Variants in MUC7 observed in about 807,000 individuals in gnomAD.
MUC7 encodes mucin 7, secreted.
MUC7 carries 2 observed loss-of-function variants against 2.5 expected under a neutral mutation model. That is an observed-to-expected ratio of 0.81 (90% confidence interval 0.33 to 2.55). The LOEUF (loss-of-function observed/expected upper bound fraction) is 2.55, where lower values mean the gene tolerates loss of function less well. Ranked by LOEUF, MUC7 falls within the 30% of genes most tolerant of loss-of-function variation. The pLI is 0.11. For synonymous variants in MUC7, 133 were observed against 173.4 expected (o/e 0.77, Z 1.83); for missense variants, 408 against 455.6 (o/e 0.90, Z 0.95).
intron 1 of MUC7, among the ~76,000 whole-genome samples, chr4:70,463,853 G>T (rs147687513): frequency 6.6e-6 from 1 of 152,320 alleles, no homozygotes; most frequent in East Asian, 1.9e-4. Flanking sequence ...GCCAGATCTT[G>T]ATCTTGGACT....
rs1734921150 is a variant in MUC7, at chr4:70,474,055, G to A, written c.34G>A (p.Ala12Thr). The change falls in exon 2 of 3, where the codon GCA (alanine) becomes ACA (threonine). Residue 12 changes from alanine (A) to threonine (T), a missense_variant. Physicochemically the swap from Ala to Thr is moderately conservative, Grantham distance 58 (BLOSUM62 0). Around this residue, in one of 3 missense-constraint regions of MUC7, gnomAD observed 225 missense variants for 240.5 expected, o/e 0.94. Transcript: ENST00000304887. ...KTLPLFVCIC[A>T]LSACFSFSEG... is the part of the protein sequence containing the mutation. ...TCTGCCGCTGTTTGTGTGCATCTGT[G>A]CACTGAGTGCTTGCTTCTCGGTAAG... 2.5e-6 allele frequency: 4 copies of A among 1,612,682 alleles called. No individual in the cohort carries two copies. In the South Asian group the frequency reaches 4.4e-5, roughly 18 times the overall value.
chr4:70,441,541 A>G (rs1734005716), intron 1 of MUC7, among the ~76,000 whole-genome samples: 1 of 152,220 alleles, frequency 6.6e-6, no homozygotes, highest in Admixed American at 6.5e-5. Context: ...AAAAACTATG[A>G]TGGTGAATAT....
chr4:70,473,602 T>C (rs1331044616), intron 1 of MUC7, among the ~76,000 whole-genome samples: 1 of 152,222 alleles, frequency 6.6e-6, no homozygotes, highest in Non-Finnish European at 1.5e-5. Context: ...CAGGAGTCTT[T>C]GCAAAACTGT....
chr4:70,469,464 A>G (rs1734774411), upstream of MUC7, among the ~76,000 whole-genome samples: 1 of 152,218 alleles, frequency 6.6e-6, no homozygotes, highest in Non-Finnish European at 1.5e-5. Context: ...ATCAGAGTGA[A>G]CAGGCAGCCT....
upstream of MUC7, among the ~76,000 whole-genome samples, chr4:70,468,562 T>G (rs1734739767): frequency 6.6e-6 from 1 of 152,162 alleles, no homozygotes; most frequent in African/African-American, 2.4e-5. Context: ...TTCAGCAAAG[T>G]CTCAGGCTAC....
intron 1 of MUC7, among the ~76,000 whole-genome samples, chr4:70,458,219 C>T (rs977048898): frequency 7.1e-6 from 1 of 140,116 alleles, no homozygotes. Flanking sequence ...AAAAAATACA[C>T]ATGATCATCT....
upstream of MUC7, among the ~76,000 whole-genome samples, chr4:70,467,496 AATAG>A (rs1221895210): frequency 3.3e-5 from 5 of 152,212 alleles, no homozygotes; most frequent in Non-Finnish European, 7.3e-5. Context: ...AGATTAACAA[AATAG>A]ATAGACCGCT....
At chr4:70,457,127 A>G (rs1734434265) in intron 1 of MUC7, among the ~76,000 whole-genome samples, 1 of 152,208 alleles carries the variant, frequency 6.6e-6, no homozygotes, top group African/African-American at 2.4e-5. Context: ...ATAACAGAAC[A>G]ATGTAGCCAT....
upstream of MUC7, among the ~76,000 whole-genome samples, chr4:70,467,904 A>G (rs1310505142): frequency 6.6e-6 from 1 of 152,194 alleles, no homozygotes; most frequent in Non-Finnish European, 1.5e-5. Context: ...TCCTTAACTC[A>G]TTTTGCGAGG....
chr4:70,454,068 T>A (rs1166465688), intron 1 of MUC7, among the ~76,000 whole-genome samples: 3 of 151,986 alleles, frequency 2.0e-5, no homozygotes, highest in Non-Finnish European at 4.4e-5. Flanking sequence ...TCAAGCAGAA[T>A]AAAGGACTCT....
At chr4:70,459,890 G>A (rs1193348396) in intron 1 of MUC7, among the ~76,000 whole-genome samples, 4 of 152,048 alleles carry the variant, frequency 2.6e-5, no homozygotes, top group Non-Finnish European at 4.4e-5. Flanking sequence ...TAGATAGAAG[G>A]ACTTTTATTT....
intron 1 of MUC7, among the ~76,000 whole-genome samples, chr4:70,436,842 T>C (rs1203350351): frequency 1.3e-5 from 2 of 152,150 alleles, no homozygotes; most frequent in Admixed American, 6.5e-5. Flanking sequence ...GTTTTATCTA[T>C]CTTTGGTCTT....
At chr4:70,448,079 A>G (rs1734189570) in intron 1 of MUC7, among the ~76,000 whole-genome samples, 2 of 152,090 alleles carry the variant, frequency 1.3e-5, no homozygotes, top group African/African-American at 4.8e-5. Flanking sequence ...ACTTAACATC[A>G]TGATCTCCAG....
At chr4:70,461,724 G>A (rs1056572524) in intron 1 of MUC7, among the ~76,000 whole-genome samples, 24 of 151,690 alleles carry the variant, frequency 1.6e-4, no homozygotes, top group Non-Finnish European at 3.2e-4. Flanking sequence ...AGAGCTCTCC[G>A]CTTACCTTTT....
chr4:70,476,272 A>C (rs1734998431), intron 2 of MUC7, among the ~76,000 whole-genome samples: 1 of 152,204 alleles, frequency 6.6e-6, no homozygotes, highest in Non-Finnish European at 1.5e-5. Flanking sequence ...AGTTTTAATA[A>C]GGAATCCCTG....
At chr4:70,443,160 T>G (rs1328915577) in intron 1 of MUC7, among the ~76,000 whole-genome samples, 1 of 151,828 alleles carries the variant, frequency 6.6e-6, no homozygotes, top group Non-Finnish European at 1.5e-5. Flanking sequence ...CTAAATTAGA[T>G]CAATTCAAAT....
chr4:70,470,369 C>T (rs1734805991), upstream of MUC7, among the ~76,000 whole-genome samples: 1 of 152,108 alleles, frequency 6.6e-6, no homozygotes, highest in Admixed American at 6.6e-5. Context: ...AACAAACCTG[C>T]ACATTCTGCA....
chr4:70,468,448 T>C (rs1368030924), upstream of MUC7, among the ~76,000 whole-genome samples: 1 of 152,116 alleles, frequency 6.6e-6, no homozygotes, highest in Admixed American at 6.6e-5. Flanking sequence ...GGTATTCAAA[T>C]AGGAAGAGAG....
intron 1 of MUC7, among the ~76,000 whole-genome samples, chr4:70,464,606 C>A (rs1402993971): frequency 5.9e-5 from 9 of 152,096 alleles, no homozygotes; most frequent in African/African-American, 1.9e-4. Context: ...GTGGTTTTCC[C>A]CTCACAGTGT....
Sources: gnomAD v4.1 joint callset for allele counts (sites outside exome capture counted in the v4.1 genomes callset) on GRCh38, gnomAD v4.1.1 for gene constraint, gnomAD v4.1.1 regional missense constraint, MANE v1.5 for transcripts, NCBI Gene and HGNC (gene_info 2026-07-23, HGNC 2026-07-21) for gene names.